Variants in ANKRD36 observed in about 807,000 individuals in gnomAD.
ANKRD36 encodes the protein ankyrin repeat domain-containing protein 36A.
Under a neutral mutation model 278.1 loss-of-function variants are expected in ANKRD36, and 179 were observed. The observed-to-expected ratio is 0.64, with a 90% CI of 0.57 to 0.73. The LOEUF (loss-of-function observed/expected upper bound fraction) is 0.73, where lower values mean the gene tolerates loss of function less well. Ranked by LOEUF, ANKRD36 falls within the 30% of genes least tolerant of loss-of-function variation. ANKRD36 has a pLI of 0.00. For missense variants in ANKRD36, 1,159 were observed against 1,956.7 expected, an observed-to-expected ratio of 0.59 and a Z score of 7.69; for synonymous variants, 320 against 641.1, an observed-to-expected ratio of 0.50 and a Z score of 7.57.
chr2:97,210,509 A>T (rs1057165999), intron 56 of ANKRD36, among the ~76,000 whole-genome samples: 25 of 151,960 alleles, frequency 1.6e-4, no homozygotes, highest in African/African-American at 5.3e-4. Flanking sequence ...AATACACCAC[A>T]CTGACTCATT....
chr2:97,164,801 C>T (rs1280126892), intron 20 of ANKRD36, among the ~76,000 whole-genome samples: 1 of 152,286 alleles, frequency 6.6e-6, no homozygotes, highest in Non-Finnish European at 1.5e-5. Context: ...CAATACTCTT[C>T]TGTCTTCTTC....
chr2:97,158,492 G>A (rs1455662261), intron 16 of ANKRD36, 96 bp from the exon 17 acceptor site: 5 of 1,351,516 alleles, frequency 3.7e-6, no homozygotes, highest in Non-Finnish European at 3.0e-6. Context: ...CCCCCAAACT[G>A]CTGGGATTAA....
At chr2:97,117,406 T>C (rs2035771075) in intron 1 of ANKRD36, among the ~76,000 whole-genome samples, 1 of 152,066 alleles carries the variant, frequency 6.6e-6, no homozygotes, top group Non-Finnish European at 1.5e-5. Flanking sequence ...GCATCACGGA[T>C]TGGGTGATGC....
chr2:97,170,529 C>T (rs1454501691), intron 22 of ANKRD36, among the ~76,000 whole-genome samples: 2 of 151,866 alleles, frequency 1.3e-5, no homozygotes, highest in Non-Finnish European at 2.9e-5. Context: ...AAACTGGATC[C>T]CTTCCTTACA....
At chr2:97,150,864 ATTTTATTGTTT>A (rs2045746268) in intron 12 of ANKRD36, among the ~76,000 whole-genome samples, 49 of 106,366 alleles carry the variant, frequency 4.6e-4, no homozygotes, top group African/African-American at 8.7e-4. Flanking sequence ...AGTTGCTGGA[ATTTTATTGTTT>A]TTTTTTTTTT....
intron 32 of ANKRD36, among the ~76,000 whole-genome samples, chr2:97,188,367 A>G (rs1434830504): frequency 6.6e-6 from 1 of 151,474 alleles, no homozygotes; most frequent in Non-Finnish European, 1.5e-5. Flanking sequence ...ACTTTGTAGA[A>G]GTATGTCAAA....
At chr2:97,234,986 G>A (rs1360091510) in intron 68 of ANKRD36, among the ~76,000 whole-genome samples, 2 of 139,640 alleles carry the variant, frequency 1.4e-5, no homozygotes, top group Admixed American at 7.2e-5. Context: ...TTGCTTTGTA[G>A]TATCTTTTGA....
rs775556455 is a variant in ANKRD36 at position 97,196,601 on chromosome 2, C to G, written c.2560C>G (p.Gln854Glu). The change falls in exon 41 of 76, where the codon CAG (glutamine) becomes GAG (glutamate). Residue 854 changes from glutamine to glutamate, a missense_variant. Physicochemically the swap from Gln to Glu is conservative, Grantham distance 29. Transcript: ENST00000420699. ...DGEISRKVSSQKPPTLKGTSD... is the reference protein window; with the variant it reads ...DGEISRKVSSEKPPTLKGTSD... ...TCCCTTTTGCTTTTCAGTGTCTTCT[C>G]AGAAACCACCAACCTTGAAGGTAAT... 6.2e-7 allele frequency: 1 copy of G among 1,604,592 alleles called. No homozygotes were observed. The highest frequency in any genetic ancestry group is 8.5e-7 in the Non-Finnish European group (1 of 1,178,702).
In ANKRD36 at chr2:97,249,210, CAAAAGT is replaced by C. The variant is rs1347489547; in HGVS notation, c.5630+1_5630+6del. On this transcript the variant is annotated splice_donor_variant and coding_sequence_variant, in exon 73 of 76. Coordinates refer to ENST00000420699, the MANE Select transcript of ANKRD36 (RefSeq NM_001354587.1). LOFTEE classifies it high-confidence loss of function. ...TACTAAGGAGATGGAAGGCGACACA[CAAAAGT>C]AAAATTTGAAGCAGCACACAAAATA... The C allele has an allele frequency of 1.7e-4, 39 of 234,758 alleles. No homozygotes were observed. In the African/African-American group the frequency reaches 3.5e-3, roughly 21 times the overall value. The allele number at this position is 234,758 out of a possible 1,614,324, so 14.5% of individuals were successfully genotyped here. A position where few individuals can be genotyped will look rare whatever the true frequency, so the allele number is the denominator to read the frequency against.
intron 58 of ANKRD36, chr2:97,212,776 A>G (rs2065006721): frequency 5.9e-6 from 1 of 168,332 alleles, no homozygotes; most frequent in Non-Finnish European, 1.3e-5. Context: ...GAGTGGATGA[A>G]GAAACTTTCA....
intron 66 of ANKRD36, among the ~76,000 whole-genome samples, chr2:97,222,829 AACTAAGAAACTTTGACTGATTTT>A (rs1380458716): frequency 6.6e-6 from 1 of 152,106 alleles, no homozygotes; most frequent in African/African-American, 2.4e-5. Flanking sequence ...AATTTATTTG[AACTAAGAAACTTTGACTGATTTT>A]ACTAAGAAAC....
At chr2:97,200,306 G>A (rs2060987672) in intron 44 of ANKRD36, 28 bp from the exon 45 acceptor site, 2 of 1,607,344 alleles carry the variant, frequency 1.2e-6, no homozygotes, top group African/African-American at 1.3e-5. Flanking sequence ...TTACATGTGA[G>A]TGATTATGTA....
chr2:97,209,555 T>C, intron 54 of ANKRD36, 126 bp from the exon 55 acceptor site: 1 of 1,554,606 alleles, frequency 6.4e-7, no homozygotes, highest in Non-Finnish European at 8.7e-7. Flanking sequence ...AGACACAAAG[T>C]AGAAGCCATC....
chr2:97,226,488 T>C (rs1284334224), intron 67 of ANKRD36, among the ~76,000 whole-genome samples: 1 of 150,496 alleles, frequency 6.6e-6, no homozygotes, highest in African/African-American at 2.5e-5. Flanking sequence ...TTTTTTCTTG[T>C]AAATTTGTTT....
intron 56 of ANKRD36, among the ~76,000 whole-genome samples, chr2:97,210,915 G>A (rs2064314292): frequency 6.6e-6 from 1 of 151,862 alleles, no homozygotes; most frequent in African/African-American, 2.4e-5. Flanking sequence ...ACTTTTGGAA[G>A]TCTAAACTAG....
At chr2:97,221,639 T>G (rs2067715533) in intron 66 of ANKRD36, among the ~76,000 whole-genome samples, 1 of 149,786 alleles carries the variant, frequency 6.7e-6, no homozygotes, top group Non-Finnish European at 1.5e-5. Flanking sequence ...GTTTTTTTCT[T>G]GTAAATTTGT....
At chr2:97,140,021 T>A (rs1042781543) in intron 6 of ANKRD36, among the ~76,000 whole-genome samples, 14 of 151,856 alleles carry the variant, frequency 9.2e-5, no homozygotes, top group Admixed American at 6.6e-4. Context: ...TGAATGTGTG[T>A]GTGTGTTTGT....
At chr2:97,141,078 G>GA (rs745554941) in intron 6 of ANKRD36, among the ~76,000 whole-genome samples, 1 of 151,414 alleles carries the variant, frequency 6.6e-6, no homozygotes, top group Non-Finnish European at 1.5e-5. Context: ...TTTTCTTTAG[G>GA]AAAGCTGTGT....
At chr2:97,197,698 AAAAACTGATCAATATCT>A (rs1473170550) in intron 42 of ANKRD36, among the ~76,000 whole-genome samples, 1 of 151,936 alleles carries the variant, frequency 6.6e-6, no homozygotes, top group Non-Finnish European at 1.5e-5. Flanking sequence ...TTTCTGAATG[AAAAACTGATCAATATCT>A]AATGCTTGTA....
Sources: gnomAD v4.1 joint callset for allele counts (sites outside exome capture counted in the v4.1 genomes callset) on GRCh38, gnomAD v4.1.1 for gene constraint, MANE v1.5 for transcripts, NCBI Gene and HGNC (gene_info 2026-07-23, HGNC 2026-07-21) for gene names.